The following RAB18 variants were observed in gnomAD, a reference collection of about 807,000 sequenced individuals.
RAB18 encodes the protein RAB18, member RAS oncogene family.
RAB18 carries 10 observed loss-of-function variants against 28.5 expected under a neutral mutation model. The ratio of observed to expected loss-of-function variants is 0.35; its 90% CI spans 0.22 to 0.60. RAB18 has a LOEUF of 0.60. RAB18 is among the 20% of genes least tolerant of loss of function. The probability of loss-of-function intolerance (pLI) is 0.78; values close to 1 mark genes in which losing one functional copy is unlikely to be tolerated. For synonymous variants in RAB18, 93 were observed against 86.9 expected, an observed-to-expected ratio of 1.07 and a Z score of -0.39; for missense variants, 188 against 244.2, an observed-to-expected ratio of 0.77 and a Z score of 1.53.
chr10:27,535,349 A>G (rs1043253523), intron 6 of RAB18, among the ~76,000 whole-genome samples: 1 of 152,162 alleles, frequency 6.6e-6, no homozygotes, highest in African/African-American at 2.4e-5. Flanking sequence ...GGCCCAGGGA[A>G]ACCAAAACAC....
At chr10:27,521,835 A>G (rs570702242) in intron 2 of RAB18, among the ~76,000 whole-genome samples, 6 of 151,514 alleles carry the variant, frequency 4.0e-5, no homozygotes, top group Admixed American at 1.3e-4. Flanking sequence ...TCTTCCTAAA[A>G]ACCTATTGAA....
At chr10:27,531,168 C>G (rs926430762) in intron 3 of RAB18, among the ~76,000 whole-genome samples, 1 of 151,948 alleles carries the variant, frequency 6.6e-6, no homozygotes, top group Non-Finnish European at 1.5e-5. Context: ...TTAAGCATGG[C>G]AGGGTGGGGA....
At chr10:27,524,722 C>G (rs959332673) in intron 2 of RAB18, among the ~76,000 whole-genome samples, 1 of 152,164 alleles carries the variant, frequency 6.6e-6, no homozygotes, top group African/African-American at 2.4e-5. Flanking sequence ...CTGGCAAAAT[C>G]AAATCTCTCA....
intron 2 of RAB18, among the ~76,000 whole-genome samples, chr10:27,515,093 T>C (rs1030872645): frequency 2.6e-5 from 4 of 152,054 alleles, no homozygotes; most frequent in Non-Finnish European, 5.9e-5. Flanking sequence ...AGTTTTTTTG[T>C]TTGTTTGTTT....
chr10:27,520,942 GA>G (rs1185286390), intron 2 of RAB18, among the ~76,000 whole-genome samples: 1 of 98,258 alleles, frequency 1.0e-5, no homozygotes, highest in Non-Finnish European at 2.1e-5. Flanking sequence ...AAAAAAAAAA[GA>G]AAATTTTTTT....
chr10:27,528,405 A>G lies in RAB18; in HGVS notation c.186+1516A>G, dbSNP rs1477041813. Reference sequence around the variant, plus strand: ...AAGAAGAGCAGAGAAGAACATCTATAAAAGTATACCACTGAATACATTTTA... The same window carrying G: ...AAGAAGAGCAGAGAAGAACATCTATGAAAGTATACCACTGAATACATTTTA... On this transcript the variant is annotated intron_variant, in intron 3 of 6. Coordinates refer to ENST00000356940, the MANE Select transcript of RAB18 (RefSeq NM_021252.5). 5 of 448,718 alleles carry G rather than the reference A, an allele frequency of 1.1e-5. No individual in the cohort carries two copies. In the East Asian group the frequency reaches 3.4e-4, roughly 30 times the overall value. 27.8% of individuals were successfully genotyped at this position (448,718 alleles called of 1,614,324 possible).
At chr10:27,508,824 C>A (rs954945260) in intron 1 of RAB18, among the ~76,000 whole-genome samples, 1 of 152,124 alleles carries the variant, frequency 6.6e-6, no homozygotes, top group Non-Finnish European at 1.5e-5. Context: ...ATAATCACAA[C>A]CTATAGAAAG....
intron 1 of RAB18, chr10:27,504,786 C>T: frequency 5.6e-6 from 3 of 536,892 alleles, no homozygotes; most frequent in South Asian, 4.7e-5. Flanking sequence ...GCCGGGGGCG[C>T]CTTGCCTCGA....
intron 2 of RAB18, among the ~76,000 whole-genome samples, chr10:27,517,966 T>A (rs920169111): frequency 2.6e-5 from 4 of 152,032 alleles, no homozygotes; most frequent in African/African-American, 4.8e-5. Flanking sequence ...TTTTTTTTTT[T>A]AATTATACTT....
chr10:27,523,265 C>CT (rs34006982), intron 2 of RAB18, among the ~76,000 whole-genome samples: 13,048 of 77,390 alleles, frequency 0.17, 664 homozygotes, highest in East Asian at 0.23. Flanking sequence ...TTTTCTTCTT[C>CT]TTTTTTTTTT....
At position 27,540,925 on chromosome 10, in the gene RAB18, A is replaced by G. The variant is rs998943219; in HGVS notation, c.*2874A>G. On this transcript the variant is annotated 3_prime_UTR_variant, in exon 7 of 7. Coordinates refer to ENST00000356940, the MANE Select transcript of RAB18 (RefSeq NM_021252.5). ...ATAAAAGAATCCTTCTTACACCAGT[A>G]CTTGTTCTGCCTGTGAGTTGGCACA... is the stretch of plus-strand genomic sequence containing the variant. 6.6e-6 allele frequency: 3 copies of G among 454,114 alleles called. No individual in the cohort carries two copies. Among genetic ancestry groups the G allele is most frequent in the Non-Finnish European group, 1.3e-5 (3 of 226,778 alleles). The allele number at this position is 454,114 out of a possible 1,614,324, so 28.1% of individuals were successfully genotyped here. A position where few individuals can be genotyped will look rare whatever the true frequency, so the allele number is the denominator to read the frequency against.
chr10:27,522,177 A>AT (rs1834573897), intron 2 of RAB18, among the ~76,000 whole-genome samples: 1 of 152,186 alleles, frequency 6.6e-6, no homozygotes, highest in South Asian at 2.1e-4. Flanking sequence ...AGAATCTCTG[A>AT]TGGTTGTAAC....
Position 27,540,186 on chromosome 10 carries a change from T to A in RAB18, c.*2135T>A, listed in dbSNP as rs1437710318. On this transcript the variant is annotated 3_prime_UTR_variant, in exon 7 of 7. Coordinates refer to ENST00000356940, the MANE Select transcript of RAB18 (RefSeq NM_021252.5). ...TAATAGTTAATATTTATTGAAAGCT[T>A]CCTTGGTGCCAGATGCCTTTCTAAG... 2.2e-6 allele frequency: 1 copy of A among 454,060 alleles called. No homozygotes were observed. Among genetic ancestry groups the A allele is most frequent in the Non-Finnish European group, 4.4e-6 (1 of 226,758 alleles). The allele number at this position is 454,060 out of a possible 1,614,324, so 28.1% of individuals were successfully genotyped here. A position where few individuals can be genotyped will look rare whatever the true frequency, so the allele number is the denominator to read the frequency against.
chr10:27,511,405 C>T (rs1407227047), intron 2 of RAB18, among the ~76,000 whole-genome samples: 1 of 151,980 alleles, frequency 6.6e-6, no homozygotes, highest in African/African-American at 2.4e-5. Context: ...CGGGGTTTAC[C>T]ATGTTGGCCA....
chr10:27,509,865 T>C lies in RAB18; in HGVS notation c.69-10T>C, dbSNP rs1478994761. ...AAGTTCCCAACCTGTCTTTTTAATA[T>C]CTCTTTCAGCCTGCTCTTGAGGTTC... On this transcript the variant is annotated splice_polypyrimidine_tract_variant and intron_variant, in intron 1 of 6. Transcript: ENST00000356940. 5 of 1,609,458 alleles carry C rather than the reference T, an allele frequency of 3.1e-6. No homozygotes were observed. Among genetic ancestry groups the C allele is most frequent in the Admixed American group, 1.7e-5 (1 of 60,012 alleles).
chr10:27,520,805 T>TA (rs1834533542), intron 2 of RAB18, among the ~76,000 whole-genome samples: 1 of 145,474 alleles, frequency 6.9e-6, no homozygotes. Context: ...TAATCCCAGC[T>TA]ACTAGGGAGG....
At chr10:27,533,030 G>A (rs1012512674) in intron 4 of RAB18, among the ~76,000 whole-genome samples, 9 of 152,024 alleles carry the variant, frequency 5.9e-5, no homozygotes, top group African/African-American at 1.9e-4. Context: ...ACCAGATGTG[G>A]ATTCTCAGTG....
rs746652565 is a variant in RAB18, at chr10:27,538,065, C to G, written c.*14C>G. On this transcript the variant is annotated 3_prime_UTR_variant, in exon 7 of 7. Transcript: ENST00000356940. ...TCTGTGTTATAAACTCTGGGAAATT[C>G]CATCTCTTGCATATTTGATCAGATA... 6.2e-7 allele frequency: 1 copy of G among 1,613,952 alleles called. No homozygotes were observed. The highest frequency in any genetic ancestry group is 1.1e-5 in the South Asian group (1 of 91,074).
At position 27,504,545 on chromosome 10, in the gene RAB18, G is replaced by GGCCGGCTCCGCTCGC. The variant is rs543844953; in HGVS notation, c.68+112_68+126dup. ...ACTGTAAACTGCAGCGGCGGGCTCG[G>GGCCGGCTCCGCTCGC]GCCGGCTCCGCTCGCGCCCTCCTCG... On this transcript the variant is annotated intron_variant, in intron 1 of 6. Coordinates refer to ENST00000356940, the MANE Select transcript of RAB18 (RefSeq NM_021252.5). 5.1e-5 allele frequency: 67 copies of GGCCGGCTCCGCTCGC among 1,311,480 alleles called. No individual in the cohort carries two copies. The African/African-American group carries it at 8.2e-4, about 16-fold the overall frequency. 81.2% of individuals were successfully genotyped at this position (1,311,480 alleles called of 1,614,324 possible).
Sources: gnomAD v4.1 joint callset for allele counts (sites outside exome capture counted in the v4.1 genomes callset) on GRCh38, gnomAD v4.1.1 for gene constraint, MANE v1.5 for transcripts, NCBI Gene and HGNC (gene_info 2026-07-23, HGNC 2026-07-21) for gene names.